Variants in PPM1L observed in about 807,000 individuals in gnomAD.
PPM1L encodes protein phosphatase, Mg2+/Mn2+ dependent 1L.
PPM1L carries 13 observed loss-of-function variants against 31.4 expected under a neutral mutation model. The observed-to-expected ratio is 0.41, with a 90% CI of 0.27 to 0.66. The LOEUF is 0.66. Among genes scored for constraint, PPM1L ranks in the 30% least tolerant of loss-of-function variants. PPM1L has a pLI of 0.29. For synonymous variants in PPM1L, 184 were observed against 175.4 expected (o/e 1.05, Z -0.39); for missense variants, 326 against 453.7 (o/e 0.72, Z 2.56).
chr3:160,889,103 A>G (rs1713038020), intron 1 of PPM1L, among the ~76,000 whole-genome samples: 1 of 152,210 alleles, frequency 6.6e-6, no homozygotes, highest in Non-Finnish European at 1.5e-5. Flanking sequence ...CTAGAGAGGC[A>G]GGAGCAAACT....
chr3:160,845,589 A>T (rs1241115496), intron 1 of PPM1L, among the ~76,000 whole-genome samples: 1 of 151,922 alleles, frequency 6.6e-6, no homozygotes, highest in African/African-American at 2.4e-5. Context: ...CAAGGTCACA[A>T]ATTTACTCCA....
intron 1 of PPM1L, among the ~76,000 whole-genome samples, chr3:160,872,628 T>G (rs1386424945): frequency 6.6e-6 from 1 of 152,200 alleles, no homozygotes; most frequent in Non-Finnish European, 1.5e-5. Context: ...CATTCAAAAT[T>G]TATATAAAGA....
intron 1 of PPM1L, among the ~76,000 whole-genome samples, chr3:160,960,212 G>A (rs1016122801): frequency 4.6e-5 from 7 of 151,720 alleles, no homozygotes; most frequent in African/African-American, 1.5e-4. Flanking sequence ...ACAATTAATA[G>A]CTGTACAGAA....
chr3:160,803,266 C>T (rs1365442633), intron 1 of PPM1L, among the ~76,000 whole-genome samples: 1 of 152,222 alleles, frequency 6.6e-6, no homozygotes, highest in African/African-American at 2.4e-5. Flanking sequence ...AATCTTCTCT[C>T]TTTGACAGGA....
chr3:160,857,168 T>G (rs1349769032), intron 1 of PPM1L, among the ~76,000 whole-genome samples: 1 of 152,224 alleles, frequency 6.6e-6, no homozygotes, highest in East Asian at 1.9e-4. Context: ...ACGGAAATTT[T>G]TTTTGCTTCC....
chr3:160,785,415 C>T (rs1711874169), intron 1 of PPM1L, among the ~76,000 whole-genome samples: 1 of 152,234 alleles, frequency 6.6e-6, no homozygotes, highest in East Asian at 1.9e-4. Flanking sequence ...CTTTTTATAA[C>T]TTAAAATGCT....
At chr3:160,801,114 T>C (rs1302858201) in intron 1 of PPM1L, among the ~76,000 whole-genome samples, 1 of 143,128 alleles carries the variant, frequency 7.0e-6, no homozygotes, top group Non-Finnish European at 1.5e-5. Flanking sequence ...TAAGGTTTAC[T>C]AAATGTTTAG....
intron 1 of PPM1L, among the ~76,000 whole-genome samples, chr3:160,874,255 C>T (rs1262169787): frequency 6.6e-6 from 1 of 152,124 alleles, no homozygotes; most frequent in Non-Finnish European, 1.5e-5. Context: ...TTCTTTTTAG[C>T]AGTGGTGGTG....
chr3:160,958,108 G>T (rs1210310924), intron 1 of PPM1L, among the ~76,000 whole-genome samples: 3 of 152,270 alleles, frequency 2.0e-5, no homozygotes, highest in Non-Finnish European at 4.4e-5. Flanking sequence ...TCTGTAGGTT[G>T]TCTGTTTACT....
At chr3:161,014,247 A>T (rs1717998926) in intron 2 of PPM1L, among the ~76,000 whole-genome samples, 1 of 152,164 alleles carries the variant, frequency 6.6e-6, no homozygotes, top group African/African-American at 2.4e-5. Flanking sequence ...AATTAAGCAC[A>T]GGAAGGAATG....
chr3:161,003,786 CAG>C (rs2108054808), intron 2 of PPM1L, among the ~76,000 whole-genome samples: 1 of 151,946 alleles, frequency 6.6e-6, no homozygotes, highest in Admixed American at 6.6e-5. Context: ...CGTCTGCAAA[CAG>C]GGACAATTTG....
chr3:160,800,123 A>T (rs1021330933), intron 1 of PPM1L, among the ~76,000 whole-genome samples: 5 of 152,202 alleles, frequency 3.3e-5, no homozygotes, highest in Admixed American at 3.3e-4. Context: ...AAAAACAGCT[A>T]AATTGTTTAA....
chr3:160,891,336 A>T (rs1713130204), intron 1 of PPM1L, among the ~76,000 whole-genome samples: 1 of 152,204 alleles, frequency 6.6e-6, no homozygotes. Context: ...ATATGAACAG[A>T]ATATTTCAAG....
chr3:160,808,383 C>CTGTGTGTGTGTGTGTGTGTGTG (rs71912617), intron 1 of PPM1L, among the ~76,000 whole-genome samples: 1 of 110,310 alleles, frequency 9.1e-6, no homozygotes, highest in Non-Finnish European at 1.9e-5. Context: ...CAGGATTTTC[C>CTGTGTGTGTGTGTGTGTGTGTG]TGTGTGTGTG....
intron 1 of PPM1L, among the ~76,000 whole-genome samples, chr3:160,892,680 AAG>A (rs1491314005): frequency 1.2e-4 from 18 of 152,272 alleles, no homozygotes; most frequent in African/African-American, 4.3e-4. Context: ...AGAAAAAAAA[AAG>A]AAATACGTTA....
intron 2 of PPM1L, among the ~76,000 whole-genome samples, chr3:160,987,333 T>C (rs900996659): frequency 6.6e-6 from 1 of 152,220 alleles, no homozygotes; most frequent in Non-Finnish European, 1.5e-5. Flanking sequence ...TTAACATCAT[T>C]GGCCTTAGAG....
At chr3:160,857,995 G>A (rs897981361) in intron 1 of PPM1L, among the ~76,000 whole-genome samples, 2 of 152,130 alleles carry the variant, frequency 1.3e-5, no homozygotes, top group African/African-American at 4.8e-5. Flanking sequence ...CAGTATTCCA[G>A]CTTTGCCTTT....
intron 1 of PPM1L, among the ~76,000 whole-genome samples, chr3:160,836,818 T>C (rs1454160757): frequency 2.0e-5 from 3 of 152,204 alleles, no homozygotes; most frequent in African/African-American, 7.2e-5. Flanking sequence ...TGTTGGTGAA[T>C]TTTTACCAAT....
At chr3:160,843,233 T>G (rs1031304847) in intron 1 of PPM1L, among the ~76,000 whole-genome samples, 1 of 151,548 alleles carries the variant, frequency 6.6e-6, no homozygotes, top group African/African-American at 2.4e-5. Context: ...TTCTAAACAA[T>G]AGTGTTCCTA....
Sources: gnomAD v4.1 joint callset for allele counts (sites outside exome capture counted in the v4.1 genomes callset) on GRCh38, gnomAD v4.1.1 for gene constraint, MANE v1.5 for transcripts, NCBI Gene and HGNC (gene_info 2026-07-23, HGNC 2026-07-21) for gene names.